The following STPG4 variants were observed in gnomAD, a reference collection of about 807,000 sequenced individuals.
STPG4 encodes the protein protein STPG4.
A neutral mutation model predicts 31.5 loss-of-function variants in STPG4; 41 were observed. That is an observed-to-expected ratio of 1.30 (90% CI 1.01 to 1.69). The LOEUF (loss-of-function observed/expected upper bound fraction) is 1.69. Among genes scored for constraint, STPG4 ranks in the 40% most tolerant of loss-of-function variants. The pLI is 0.00. For missense variants in STPG4, 375 were observed against 293.4 expected (o/e 1.28, Z -2.03); for synonymous variants, 141 against 103.0 (o/e 1.37, Z -2.24).
intron 3 of STPG4, among the ~76,000 whole-genome samples, chr2:47,130,639 C>T (rs924596800): frequency 2.6e-5 from 4 of 152,058 alleles, no homozygotes; most frequent in Non-Finnish European, 2.9e-5. Context: ...CTCACCCTCC[C>T]GAGTAGCTGG....
intron 3 of STPG4, among the ~76,000 whole-genome samples, chr2:47,149,803 T>A (rs1246640076): frequency 6.6e-6 from 1 of 152,190 alleles, no homozygotes; most frequent in Non-Finnish European, 1.5e-5. Context: ...GTACCCAAAG[T>A]CCCAAGTAAC....
chr2:47,146,040 T>C (rs1262164550), intron 3 of STPG4, among the ~76,000 whole-genome samples: 6 of 152,162 alleles, frequency 3.9e-5, no homozygotes, highest in African/African-American at 1.4e-4. Flanking sequence ...TGAAAATACC[T>C]TGAGGTAGGA....
At chr2:47,094,945 G>A (rs1199778780) in intron 5 of STPG4, among the ~76,000 whole-genome samples, 1 of 152,212 alleles carries the variant, frequency 6.6e-6, no homozygotes, top group African/African-American at 2.4e-5. Flanking sequence ...GGGAGGCTGG[G>A]ACTGGTTAAT....
intron 5 of STPG4, among the ~76,000 whole-genome samples, chr2:47,113,760 C>T (rs376759100): frequency 5.3e-5 from 8 of 152,250 alleles, no homozygotes; most frequent in East Asian, 1.9e-4. Context: ...TTAGGCCGGG[C>T]GCAGTGGCTC....
intron 6 of STPG4, among the ~76,000 whole-genome samples, chr2:47,088,757 A>C (rs1171259180): frequency 1.3e-5 from 2 of 152,234 alleles, no homozygotes; most frequent in Non-Finnish European, 2.9e-5. Context: ...ACCGCTTTAA[A>C]TGACAGGATG....
At chr2:47,097,399 G>A (rs767727693) in intron 5 of STPG4, among the ~76,000 whole-genome samples, 1 of 152,090 alleles carries the variant, frequency 6.6e-6, no homozygotes, top group Non-Finnish European at 1.5e-5. Flanking sequence ...CCCAAAATTC[G>A]TATGTTGGAA....
At chr2:47,119,744 TGTA>T (rs1482358842) in intron 5 of STPG4, among the ~76,000 whole-genome samples, 1 of 152,200 alleles carries the variant, frequency 6.6e-6, no homozygotes, top group East Asian at 1.9e-4. Context: ...AAGTGAGGTT[TGTA>T]GTAGAAAACG....
At chr2:47,112,702 G>C (rs926692263) in intron 5 of STPG4, among the ~76,000 whole-genome samples, 1 of 152,180 alleles carries the variant, frequency 6.6e-6, no homozygotes, top group Non-Finnish European at 1.5e-5. Context: ...CATTGAGGCA[G>C]CCTATTCTAA....
chr2:47,093,483 G>A (rs1685610942), intron 5 of STPG4, among the ~76,000 whole-genome samples: 1 of 152,220 alleles, frequency 6.6e-6, no homozygotes, highest in Admixed American at 6.5e-5. Context: ...TCTGAAGCCA[G>A]ATGAGTAGCT....
At chr2:47,094,830 C>A (rs1320392288) in intron 5 of STPG4, among the ~76,000 whole-genome samples, 1 of 152,180 alleles carries the variant, frequency 6.6e-6, no homozygotes, top group African/African-American at 2.4e-5. Flanking sequence ...CGCGAAGAAG[C>A]CTGGCTTATT....
intron 5 of STPG4, among the ~76,000 whole-genome samples, chr2:47,102,896 C>T (rs1338454998): frequency 6.6e-6 from 1 of 151,782 alleles, no homozygotes; most frequent in Non-Finnish European, 1.5e-5. Flanking sequence ...ATGTACCTAT[C>T]AGGTCCTACA....
At chr2:47,138,634 C>G (rs1686645143) in intron 3 of STPG4, among the ~76,000 whole-genome samples, 1 of 152,194 alleles carries the variant, frequency 6.6e-6, no homozygotes, top group Non-Finnish European at 1.5e-5. Context: ...ACTGCAACCT[C>G]TGACTCCCTG....
intron 5 of STPG4, among the ~76,000 whole-genome samples, chr2:47,096,940 T>G (rs1423440329): frequency 2.0e-5 from 3 of 152,112 alleles, no homozygotes; most frequent in African/African-American, 7.2e-5. Context: ...GGAGGGCTTA[T>G]GGTGAGTTCA....
intron 5 of STPG4, among the ~76,000 whole-genome samples, chr2:47,093,598 C>T (rs191955275): frequency 2.6e-5 from 4 of 152,296 alleles, no homozygotes; most frequent in South Asian, 2.1e-4. Flanking sequence ...AGGCCTAATG[C>T]GGCTTTGCTT....
intron 3 of STPG4, among the ~76,000 whole-genome samples, chr2:47,133,568 A>ATTTTTTTT (rs1347133934): frequency 5.5e-5 from 2 of 36,322 alleles, no homozygotes; most frequent in Non-Finnish European, 1.5e-4. Flanking sequence ...AGGCACTCAA[A>ATTTTTTTT]TCTTTTTTTT....
chr2:47,107,009 T>G (rs1685926766), intron 5 of STPG4, among the ~76,000 whole-genome samples: 1 of 151,940 alleles, frequency 6.6e-6, no homozygotes, highest in Non-Finnish European at 1.5e-5. Context: ...GCAGGGCCCC[T>G]TCATCGCCCC....
intron 5 of STPG4, among the ~76,000 whole-genome samples, chr2:47,125,493 C>G (rs62140298): frequency 6.6e-6 from 1 of 152,146 alleles, no homozygotes; most frequent in African/African-American, 2.4e-5. Flanking sequence ...CTTTGTCAGA[C>G]GGATAGTTTG....
At chr2:47,122,872 C>T (rs1686301007) in intron 5 of STPG4, among the ~76,000 whole-genome samples, 4 of 152,204 alleles carry the variant, frequency 2.6e-5, no homozygotes, top group Admixed American at 2.6e-4. Flanking sequence ...ATTGCCCAGG[C>T]TGGAGAGCAG....
intron 5 of STPG4, among the ~76,000 whole-genome samples, chr2:47,093,997 C>G (rs1685623409): frequency 6.6e-6 from 1 of 152,170 alleles, no homozygotes; most frequent in African/African-American, 2.4e-5. Context: ...ATTTCTGAAC[C>G]CAGTTCAATA....
Sources: gnomAD v4.1 joint callset for allele counts (sites outside exome capture counted in the v4.1 genomes callset) on GRCh38, gnomAD v4.1.1 for gene constraint, MANE v1.5 for transcripts, NCBI Gene and HGNC (gene_info 2026-07-23, HGNC 2026-07-21) for gene names.